The following PDXDC1 variants were observed in gnomAD, a reference collection of about 807,000 sequenced individuals.
The protein encoded by PDXDC1 is pyridoxal-dependent decarboxylase domain-containing protein 1.
In PDXDC1, 42 loss-of-function variants were observed where a neutral mutation model predicts 100.1. That is an observed-to-expected ratio of 0.42 (90% confidence interval 0.33 to 0.54). The LOEUF (loss-of-function observed/expected upper bound fraction) is 0.54, where lower values mean the gene tolerates loss of function less well. Among genes scored for constraint, PDXDC1 ranks in the 20% least tolerant of loss-of-function variants. The pLI is 0.10. For missense variants in PDXDC1, 636 were observed against 979.2 expected (o/e 0.65, Z 4.68); for synonymous variants, 260 against 371.7 (o/e 0.70, Z 3.46).
At position 15,101,952 on chromosome 16, in the gene PDXDC1, G is replaced by A. The variant is rs546689139; in HGVS notation, c.1400-36927G>A. ...CAACCTCCACCTCCTGGGTTCAAGC[G>A]ATTCTCCTGCCTCAGCCTCCCGAGT... On this transcript the variant is annotated intron_variant, in intron 16 of 16. Transcript: ENST00000535621. Among the ~76,000 whole-genome samples the A allele has an allele frequency of 2.8e-3, 419 of 147,514 alleles. 4 individuals are homozygous for A. The highest frequency in any genetic ancestry group is 8.7e-3 in the African/African-American group (356 of 41,060).
intron 16 of PDXDC1, chr16:15,073,193 C>T (rs2045308576): frequency 8.2e-7 from 1 of 1,220,732 alleles, no homozygotes; most frequent in Non-Finnish European, 1.2e-6. Context: ...CAGCCAAGCA[C>T]AGTGGCTCCT....
At chr16:15,013,624 C>T (rs1235513197) in intron 8 of PDXDC1, among the ~76,000 whole-genome samples, 1 of 152,276 alleles carries the variant, frequency 6.6e-6, no homozygotes, top group Non-Finnish European at 1.5e-5. Flanking sequence ...TGCCTGTAGT[C>T]CCAGCACTTT....
chr16:15,125,929 G>A (rs1462925798), intron 16 of PDXDC1: 2 of 642,892 alleles, frequency 3.1e-6, no homozygotes, highest in Admixed American at 4.6e-5. Context: ...GTCCTAGAAT[G>A]CTGGATATAT....
chr16:15,045,730 A>C (rs2044032750), intron 16 of PDXDC1: 1 of 152,142 alleles, frequency 6.6e-6, no homozygotes, highest in South Asian at 2.1e-4. Flanking sequence ...AATCCAACTA[A>C]CTTTCTTGAA....
At chr16:15,147,493 G>C in the PDXDC1 span, among the ~76,000 whole-genome samples, 2 of 152,214 alleles carry the variant, frequency 1.3e-5, no homozygotes, top group Non-Finnish European at 2.9e-5. Context: ...GCAGGGCCCG[G>C]CGTGGCCACC....
chr16:14,982,820 G>C (rs1433047496), intron 1 of PDXDC1, among the ~76,000 whole-genome samples: 1 of 152,256 alleles, frequency 6.6e-6, no homozygotes, highest in Non-Finnish European at 1.5e-5. Context: ...ACTAGTGCTA[G>C]ACAGCAGGCA....
chr16:15,111,047 G>A (rs1055632005), intron 16 of PDXDC1, among the ~76,000 whole-genome samples: 1 of 148,906 alleles, frequency 6.7e-6, no homozygotes, highest in African/African-American at 2.4e-5. Context: ...AGAACCGTTT[G>A]AAGCTGGGAG....
chr16:15,048,166 G>A (rs2044151975), intron 16 of PDXDC1: 1 of 1,163,390 alleles, frequency 8.6e-7, no homozygotes, highest in South Asian at 1.4e-5. Flanking sequence ...TAAAGATGTG[G>A]AGAGAGCCAA....
intron 16 of PDXDC1, among the ~76,000 whole-genome samples, chr16:15,113,858 TTG>T (rs1339752688): frequency 2.0e-4 from 4 of 20,366 alleles, no homozygotes; most frequent in African/African-American, 7.6e-4. Flanking sequence ...TGTTTGTTCC[TTG>T]GGCTCTTTCA....
intron 1 of PDXDC1, among the ~76,000 whole-genome samples, chr16:14,975,951 C>T (rs1966772589): frequency 6.6e-6 from 1 of 152,296 alleles, no homozygotes; most frequent in African/African-American, 2.4e-5. Context: ...TTCCTGGCTC[C>T]CCCATTCCAG....
At chr16:15,144,770 G>A in the PDXDC1 span, among the ~76,000 whole-genome samples, 2 of 152,186 alleles carry the variant, frequency 1.3e-5, no homozygotes, top group East Asian at 3.9e-4. Context: ...GATGAGAAAG[G>A]GGAGTCTGCG....
chr16:15,072,598 T>G (rs1485344972), intron 16 of PDXDC1, among the ~76,000 whole-genome samples: 1 of 151,070 alleles, frequency 6.6e-6, no homozygotes, highest in African/African-American at 2.4e-5. Context: ...TGGTCAGGAG[T>G]TCAAGACCAG....
chr16:15,143,899 C>T (rs569668612), downstream of PDXDC1, among the ~76,000 whole-genome samples: 15 of 152,326 alleles, frequency 9.8e-5, 1 homozygote, highest in East Asian at 5.8e-4. Context: ...ACATTCCAGA[C>T]GCGTGTGGTC....
At chr16:15,123,371 A>G (rs902435383) in intron 16 of PDXDC1, 6 of 1,151,132 alleles carry the variant, frequency 5.2e-6, no homozygotes, top group African/African-American at 1.5e-5. Context: ...GGGTTCCTCA[A>G]GGTCACTTTT....
downstream of PDXDC1, among the ~76,000 whole-genome samples, chr16:15,140,595 A>T (rs2048456502): frequency 6.6e-6 from 1 of 152,168 alleles, no homozygotes; most frequent in Non-Finnish European, 1.5e-5. Flanking sequence ...CCATGTCAGC[A>T]GTCAGTGAAG....
At chr16:15,017,952 G>A (rs1283256411) in intron 11 of PDXDC1, among the ~76,000 whole-genome samples, 1 of 152,180 alleles carries the variant, frequency 6.6e-6, no homozygotes, top group Non-Finnish European at 1.5e-5. Context: ...GCGCCACCAC[G>A]CCCGGCTTAT....
At chr16:15,017,940 A>G (rs1198783991) in intron 11 of PDXDC1, among the ~76,000 whole-genome samples, 2 of 152,186 alleles carry the variant, frequency 1.3e-5, no homozygotes, top group Admixed American at 6.5e-5. Context: ...GATTACAGGC[A>G]TGCGCCACCA....
intron 16 of PDXDC1, chr16:15,083,695 A>G: frequency 1.4e-6 from 2 of 1,452,964 alleles, no homozygotes; most frequent in South Asian, 2.5e-5. Flanking sequence ...GGCAAACAGG[A>G]ACCCCTACCT....
chr16:15,142,426 G>C (rs1226574818), downstream of PDXDC1, among the ~76,000 whole-genome samples: 1 of 152,128 alleles, frequency 6.6e-6, no homozygotes, highest in African/African-American at 2.4e-5. Context: ...AAGGTCTTGG[G>C]GACCCCGCTC....
Sources: gnomAD v4.1 joint callset for allele counts (sites outside exome capture counted in the v4.1 genomes callset) on GRCh38, gnomAD v4.1.1 for gene constraint, MANE v1.5 for transcripts, NCBI Gene and HGNC (gene_info 2026-07-23, HGNC 2026-07-21) for gene names.